The following GLG1 variants were observed in gnomAD, a reference collection of about 807,000 sequenced individuals.
The protein encoded by GLG1 is Golgi apparatus protein 1.
GLG1 carries 38 observed loss-of-function variants against 160.5 expected under a neutral mutation model. The observed-to-expected ratio is 0.24, with a 90% CI of 0.18 to 0.31. The LOEUF (loss-of-function observed/expected upper bound fraction) is 0.31. GLG1 is among the 10% of genes least tolerant of loss of function. The pLI is 1.00. For synonymous variants in GLG1, 644 were observed against 543.4 expected, an observed-to-expected ratio of 1.19 and a Z score of -2.57; for missense variants, 1,373 against 1,505.2, an observed-to-expected ratio of 0.91 and a Z score of 1.45.
intron 3 of GLG1, among the ~76,000 whole-genome samples, chr16:74,506,725 G>C (rs1052689848): frequency 1.3e-5 from 2 of 151,870 alleles, no homozygotes; most frequent in South Asian, 4.1e-4. Flanking sequence ...TCATTTTTCA[G>C]CTCACTATCC....
At chr16:74,600,011 G>A (rs914797874) in intron 1 of GLG1, among the ~76,000 whole-genome samples, 1 of 151,312 alleles carries the variant, frequency 6.6e-6, no homozygotes, top group Non-Finnish European at 1.5e-5. Flanking sequence ...TCCAGCCTGG[G>A]TGACAGTGCG....
chr16:74,571,776 T>C (rs959937526), intron 1 of GLG1, among the ~76,000 whole-genome samples: 3 of 151,976 alleles, frequency 2.0e-5, no homozygotes, highest in African/African-American at 7.3e-5. Flanking sequence ...ACTGCACCAC[T>C]GCACTGAAGC....
chr16:74,602,347 T>C (rs1835765758), intron 1 of GLG1, among the ~76,000 whole-genome samples: 1 of 152,190 alleles, frequency 6.6e-6, no homozygotes, highest in African/African-American at 2.4e-5. Flanking sequence ...AAAGAAAGAT[T>C]ATACATTTAA....
chr16:74,575,758 T>C (rs1011568341), intron 1 of GLG1, among the ~76,000 whole-genome samples: 2 of 152,166 alleles, frequency 1.3e-5, no homozygotes, highest in African/African-American at 2.4e-5. Context: ...GCTGTAAATA[T>C]AGATATCAAT....
intron 1 of GLG1, among the ~76,000 whole-genome samples, chr16:74,568,896 A>G (rs2018737881): frequency 6.6e-6 from 1 of 152,232 alleles, no homozygotes; most frequent in Non-Finnish European, 1.5e-5. Context: ...ATCTTCTTAA[A>G]AGCAATAAAG....
intron 1 of GLG1, among the ~76,000 whole-genome samples, chr16:74,589,047 G>A (rs1044676938): frequency 6.6e-6 from 1 of 151,674 alleles, no homozygotes; most frequent in African/African-American, 2.4e-5. Context: ...TTCGAGACCA[G>A]CCTGGCCAAC....
At chr16:74,574,396 G>C (rs1020135936) in intron 1 of GLG1, among the ~76,000 whole-genome samples, 6 of 152,138 alleles carry the variant, frequency 3.9e-5, no homozygotes, top group Non-Finnish European at 5.9e-5. Flanking sequence ...GTAACAGATA[G>C]GGATACTGCA....
intron 2 of GLG1, among the ~76,000 whole-genome samples, chr16:74,511,903 G>C (rs1402637081): frequency 6.6e-6 from 1 of 151,994 alleles, no homozygotes; most frequent in Non-Finnish European, 1.5e-5. Flanking sequence ...ATTGTCAAAT[G>C]CTAAACATTT....
At chr16:74,491,715 G>A (rs2015997543) in intron 7 of GLG1, among the ~76,000 whole-genome samples, 1 of 140,032 alleles carries the variant, frequency 7.1e-6, no homozygotes. Flanking sequence ...TCGGCTCACT[G>A]CAAGCTCCGT....
chr16:74,462,467 G>C lies in GLG1; in HGVS notation c.2934+21C>G, dbSNP rs1304073674. 3.7e-6 allele frequency: 6 copies of C among 1,605,532 alleles called. No individual in the cohort carries two copies. The South Asian group carries it at 6.6e-5, about 18-fold the overall frequency. Reference sequence around the variant, plus strand: ...AGAGGCTCCATAAATACACCTTTGTGGAGAGCCCAGGCCAGTTTACCTGGT... The same window carrying C: ...AGAGGCTCCATAAATACACCTTTGTCGAGAGCCCAGGCCAGTTTACCTGGT... On this transcript the variant is annotated intron_variant, in intron 21 of 25. Transcript: ENST00000422840.
intron 2 of GLG1, among the ~76,000 whole-genome samples, chr16:74,514,012 G>A (rs997562476): frequency 6.6e-6 from 1 of 152,070 alleles, no homozygotes; most frequent in Non-Finnish European, 1.5e-5. Flanking sequence ...TTCAATAGTC[G>A]ATTTGATCAA....
At chr16:74,560,177 G>C (rs1048381811) in intron 1 of GLG1, among the ~76,000 whole-genome samples, 4 of 152,134 alleles carry the variant, frequency 2.6e-5, no homozygotes, top group Admixed American at 2.0e-4. Flanking sequence ...GACTAGCAAA[G>C]CAGACTGTCC....
chr16:74,581,627 G>A (rs1228081823), intron 1 of GLG1, among the ~76,000 whole-genome samples: 1 of 151,782 alleles, frequency 6.6e-6, no homozygotes, highest in Non-Finnish European at 1.5e-5. Context: ...GGACACTCCT[G>A]TTAACAAAGA....
chr16:74,581,904 C>T (rs976700342), intron 1 of GLG1, among the ~76,000 whole-genome samples: 12 of 152,052 alleles, frequency 7.9e-5, no homozygotes, highest in Non-Finnish European at 1.5e-4. Context: ...GGTGAGACTC[C>T]GTCTCAAAAA....
At chr16:74,473,994 C>A (rs188822410) in intron 13 of GLG1, among the ~76,000 whole-genome samples, 10 of 152,174 alleles carry the variant, frequency 6.6e-5, no homozygotes, top group Admixed American at 3.9e-4. Context: ...CACTCTGTTG[C>A]CCAGGCTGGA....
At chr16:74,456,279 G>A (rs946356700) in intron 25 of GLG1, among the ~76,000 whole-genome samples, 3 of 152,192 alleles carry the variant, frequency 2.0e-5, no homozygotes, top group African/African-American at 7.2e-5. Context: ...ACAGGGAGAC[G>A]GCTCCAGGCT....
intron 1 of GLG1, among the ~76,000 whole-genome samples, chr16:74,537,448 T>C (rs2017716771): frequency 6.6e-6 from 1 of 151,062 alleles, no homozygotes; most frequent in Non-Finnish European, 1.5e-5. Flanking sequence ...TGTGTGACTT[T>C]AGGTACATCA....
chr16:74,576,128 T>C (rs1477881653), intron 1 of GLG1, among the ~76,000 whole-genome samples: 1 of 151,064 alleles, frequency 6.6e-6, no homozygotes, highest in Non-Finnish European at 1.5e-5. Flanking sequence ...ACCCGGGAGG[T>C]GAAGGCGGCG....
intron 2 of GLG1, among the ~76,000 whole-genome samples, chr16:74,524,508 T>G (rs969953887): frequency 6.6e-6 from 1 of 152,164 alleles, no homozygotes; most frequent in African/African-American, 2.4e-5. Context: ...AATTATGGTA[T>G]TTTAAGATAT....
Sources: gnomAD v4.1 joint callset for allele counts (sites outside exome capture counted in the v4.1 genomes callset) on GRCh38, gnomAD v4.1.1 for gene constraint, MANE v1.5 for transcripts, NCBI Gene and HGNC (gene_info 2026-07-23, HGNC 2026-07-21) for gene names.